Variants in C4orf36 observed in about 807,000 individuals in gnomAD.
The protein encoded by C4orf36 is chromosome 4 open reading frame 36, also known as uncharacterized protein C4orf36.
C4orf36 carries 11 observed loss-of-function variants against 12.2 expected under a neutral mutation model. That is an observed-to-expected ratio of 0.90 (90% CI 0.57 to 1.49). C4orf36 has a LOEUF of 1.49. Among genes scored for constraint, C4orf36 ranks in the 40% most tolerant of loss-of-function variants. The pLI is 0.00. For missense variants in C4orf36, 137 were observed against 133.9 expected, an observed-to-expected ratio of 1.02 and a Z score of -0.11; for synonymous variants, 54 against 51.3, an observed-to-expected ratio of 1.05 and a Z score of -0.22.
the C4orf36 span, among the ~76,000 whole-genome samples, chr4:86,901,569 G>A: frequency 1.4e-5 from 2 of 146,502 alleles, no homozygotes; most frequent in African/African-American, 2.5e-5. Context: ...CACCGCACCC[G>A]GCTAATTTTT....
the C4orf36 span, among the ~76,000 whole-genome samples, chr4:86,908,809 C>T: frequency 1.3e-5 from 2 of 152,116 alleles, no homozygotes; most frequent in African/African-American, 4.8e-5. Flanking sequence ...TCTGAATTCT[C>T]AGACGTCGGA....
chr4:86,920,890 G>T, the C4orf36 span, among the ~76,000 whole-genome samples: 1 of 151,938 alleles, frequency 6.6e-6, no homozygotes, highest in Middle Eastern at 3.4e-3. Context: ...CCAGCACTTT[G>T]TGGGGCCGGG....
rs764682560 is a variant in C4orf36 at position 86,888,244 on chromosome 4, T to C, written c.97A>G (p.Lys33Glu). The C allele has an allele frequency of 6.8e-6, 11 of 1,613,916 alleles. No homozygotes were observed. The Admixed American group carries it at 1.0e-4, about 15-fold the overall frequency. Residue 33 changes from lysine to glutamate, a missense_variant, in exon 3 of 5, where the codon AAG becomes GAG. Coordinates refer to ENST00000295898, the MANE Select transcript of C4orf36 (RefSeq NM_144645.4). ...QEPWDIALLAKTWSTNLANIK... is the reference protein window; with the variant it reads ...QEPWDIALLAETWSTNLANIK... Reference sequence around the variant, plus strand: ...TTGGCTAGGTTTGTGGACCAGGTCTTTGCAAGCAATGCAATATCCCAAGGT... The same window carrying C: ...TTGGCTAGGTTTGTGGACCAGGTCTCTGCAAGCAATGCAATATCCCAAGGT...
chr4:86,916,363 T>A, the C4orf36 span, among the ~76,000 whole-genome samples: 2 of 98,734 alleles, frequency 2.0e-5, no homozygotes, highest in Non-Finnish European at 4.2e-5. Context: ...ACTATGTGGA[T>A]GCAAAAAAAA....
At chr4:86,921,908 G>C in the C4orf36 span, among the ~76,000 whole-genome samples, 1 of 152,136 alleles carries the variant, frequency 6.6e-6, no homozygotes, top group African/African-American at 2.4e-5. Flanking sequence ...ACTATGCCAG[G>C]CACCTCATAC....
Position 86,885,746 on chromosome 4 carries a change from G to A in C4orf36, c.*2+2012C>T, listed in dbSNP as rs544158063. Among the ~76,000 whole-genome samples the A allele has an allele frequency of 3.9e-5, 6 of 152,316 alleles. No individual in the cohort carries two copies. The South Asian group carries it at 1.2e-3, about 32-fold the overall frequency. On this transcript the variant is annotated intron_variant, in intron 4 of 4. Coordinates refer to ENST00000295898, the MANE Select transcript of C4orf36 (RefSeq NM_144645.4). ...ACTTCCAACACTATGTTGAATAGGA[G>A]TGGGGAGAGAGGGCATCCCTGTCTT...
chr4:86,883,103 G>A lies in C4orf36; in HGVS notation c.*2+4655C>T, dbSNP rs528106462. On this transcript the variant is annotated intron_variant, in intron 4 of 4. Coordinates refer to ENST00000295898, the MANE Select transcript of C4orf36 (RefSeq NM_144645.4). ...AAGTGCCAGGTTGTGAGTGAGGTGT[G>A]ACATGCTTAGGGCTCCCTGGTGGCT... 7.2e-5 allele frequency among the ~76,000 whole-genome samples: 11 copies of A among 152,308 alleles called. No individual in the cohort carries two copies. In the East Asian group the frequency reaches 2.1e-3, roughly 29 times the overall value.
At chr4:86,920,536 G>A in the C4orf36 span, among the ~76,000 whole-genome samples, 1 of 152,178 alleles carries the variant, frequency 6.6e-6, no homozygotes. Context: ...TAGATCATTT[G>A]TAAACAGAAG....
chr4:86,882,794 A>G (rs1221795118), intron 4 of C4orf36, among the ~76,000 whole-genome samples: 1 of 152,188 alleles, frequency 6.6e-6, no homozygotes, highest in Non-Finnish European at 1.5e-5. Context: ...CCCATTGCAC[A>G]TGTGCTTGAC....
intron 4 of C4orf36, among the ~76,000 whole-genome samples, chr4:86,876,951 T>C (rs1034948986): frequency 3.9e-5 from 6 of 152,210 alleles, no homozygotes; most frequent in African/African-American, 1.4e-4. Flanking sequence ...TATTGCGCAG[T>C]AGATTTGCGG....
chr4:86,895,616 T>C (rs1056523760), upstream of C4orf36, among the ~76,000 whole-genome samples: 1 of 152,214 alleles, frequency 6.6e-6, no homozygotes, highest in African/African-American at 2.4e-5. Flanking sequence ...TATTTTAAAA[T>C]AATACAATTT....
chr4:86,879,026 AT>A (rs1250363639), intron 4 of C4orf36, among the ~76,000 whole-genome samples: 1 of 152,170 alleles, frequency 6.6e-6, no homozygotes, highest in Non-Finnish European at 1.5e-5. Context: ...CATGAAGCCA[AT>A]GTCTAAAGAC....
At position 86,881,821 on chromosome 4, in the gene C4orf36, C is replaced by A. The variant is rs937557465; in HGVS notation, c.*3-5378G>T. 1.4e-4 allele frequency among the ~76,000 whole-genome samples: 21 copies of A among 152,004 alleles called. 1 individual carries two copies. The highest frequency in any genetic ancestry group is 3.9e-4 in the African/African-American group (16 of 41,384). On this transcript the variant is annotated intron_variant, in intron 4 of 4. Coordinates refer to ENST00000295898, the MANE Select transcript of C4orf36 (RefSeq NM_144645.4). ...CCTCCCAAGTAGCTGGGATTACAGG[C>A]GCATGCCACCATGCCTGGCTAATTT...
At chr4:86,887,637 A>C in intron 4 of C4orf36, 121 bp downstream of exon 4, 1 of 1,151,072 alleles carries the variant, frequency 8.7e-7, no homozygotes, top group Non-Finnish European at 1.2e-6. Flanking sequence ...AGCTGTGGGC[A>C]GTGGCCCATC....
chr4:86,928,906 C>T, the C4orf36 span, among the ~76,000 whole-genome samples: 1 of 151,646 alleles, frequency 6.6e-6, no homozygotes, highest in Admixed American at 6.6e-5. Flanking sequence ...TTTTCTTCCT[C>T]CTTCCCTCTC....
chr4:86,903,781 T>G, the C4orf36 span, among the ~76,000 whole-genome samples: 1 of 152,184 alleles, frequency 6.6e-6, no homozygotes, highest in African/African-American at 2.4e-5. Context: ...TACAGAGAGC[T>G]GATGGGTCCG....
intron 4 of C4orf36, among the ~76,000 whole-genome samples, chr4:86,877,293 T>C (rs760631359): frequency 1.3e-5 from 2 of 152,234 alleles, no homozygotes; most frequent in African/African-American, 2.4e-5. Flanking sequence ...AATCCAGCTC[T>C]AATATTTATG....
At chr4:86,890,273 A>T in intron 2 of C4orf36, 1 of 384,898 alleles carries the variant, frequency 2.6e-6, no homozygotes, top group Admixed American at 2.8e-5. Flanking sequence ...GCCCAAGGTC[A>T]CAAAGCCATT....
the C4orf36 span, among the ~76,000 whole-genome samples, chr4:86,915,276 C>G: frequency 6.6e-6 from 1 of 152,314 alleles, no homozygotes; most frequent in South Asian, 2.1e-4. Context: ...GACTTCCTCT[C>G]CTTTCTTGGG....
Sources: gnomAD v4.1 joint callset for allele counts (sites outside exome capture counted in the v4.1 genomes callset) on GRCh38, gnomAD v4.1.1 for gene constraint, MANE v1.5 for transcripts, NCBI Gene and HGNC (gene_info 2026-07-23, HGNC 2026-07-21) for gene names.